GAD2: variants seen among roughly 807,000 people sequenced by gnomAD.
GAD2 encodes the protein glutamate decarboxylase 2, also known as 65 kDa glutamic acid decarboxylase.
A neutral mutation model predicts 80.1 loss-of-function variants in GAD2; 22 were observed. That is an observed-to-expected ratio of 0.27 (90% confidence interval 0.20 to 0.39). The LOEUF (loss-of-function observed/expected upper bound fraction) is 0.39. Among genes scored for constraint, GAD2 ranks in the 10% least tolerant of loss-of-function variants. The pLI, the probability that GAD2 is intolerant of heterozygous loss-of-function variation, is 1.00. For missense variants in GAD2, 624 were observed against 738.4 expected (o/e 0.85, Z 1.80); for synonymous variants, 274 against 256.9 (o/e 1.07, Z -0.64).
At chr10:26,255,923 A>C (rs536986874) in intron 8 of GAD2, among the ~76,000 whole-genome samples, 85 of 149,750 alleles carry the variant, frequency 5.7e-4, no homozygotes, top group African/African-American at 2.1e-3. Flanking sequence ...GATGGGGAGG[A>C]AGGAGGGGAG....
rs1834336036 is a variant in GAD2 at position 26,302,253 on chromosome 10, A to C, written c.*1292A>C. 1 of 152,068 alleles carries C rather than the reference A, an allele frequency of 6.6e-6. No individual in the cohort carries two copies. The highest frequency in any genetic ancestry group is 2.4e-5 in the African/African-American group (1 of 41,394). 9.4% of individuals were successfully genotyped at this position (152,068 alleles called of 1,614,324 possible). On this transcript the variant is annotated 3_prime_UTR_variant, in exon 16 of 16. Coordinates refer to ENST00000376261, the MANE Select transcript of GAD2 (RefSeq NM_001134366.2). ...ACCCAAAATAGTTACTTTATATTCC[A>C]TGGGTGGTTGTTTTTCTTCCATGAA...
rs1188328730 is a variant in GAD2, at chr10:26,301,417, T to C, written c.*456T>C. The C allele has an allele frequency of 1.3e-5, 2 of 152,336 alleles. No individual in the cohort carries two copies. The highest frequency in any genetic ancestry group is 2.9e-5 in the Non-Finnish European group (2 of 68,202). The allele number at this position is 152,336 out of a possible 1,614,324, so 9.4% of individuals were successfully genotyped here. ...ATTAGAAAAAAATTTCTAATTTACC[T>C]ATAGCAACATTTCAAATGTATTTAA... On this transcript the variant is annotated 3_prime_UTR_variant, in exon 16 of 16. Coordinates refer to ENST00000376261, the MANE Select transcript of GAD2 (RefSeq NM_001134366.2).
At chr10:26,295,579 A>C (rs1834265769) in intron 15 of GAD2, among the ~76,000 whole-genome samples, 1 of 150,886 alleles carries the variant, frequency 6.6e-6, no homozygotes. Flanking sequence ...GAGGTGAAAT[A>C]ATCTATGCTG....
Position 26,273,625 on chromosome 10 carries a change from T to A in GAD2, c.1093-11T>A, listed in dbSNP as rs750030821. 4 of 1,607,826 alleles carry A rather than the reference T, an allele frequency of 2.5e-6. No individual in the cohort carries two copies. The East Asian group carries it at 8.9e-5, about 36-fold the overall frequency. On this transcript the variant is annotated splice_polypyrimidine_tract_variant and intron_variant, in intron 10 of 15. Transcript: ENST00000376261. ...AACTGCTACCATTTTCCTCATATGA[T>A]TTTTTTTCAGGCAGCTTGGGGTGGG... is the stretch of plus-strand genomic sequence containing the variant.
At position 26,269,017 on chromosome 10, in the gene GAD2, T is replaced by C. The variant is rs8190707; in HGVS notation, c.921-102T>C. On this transcript the variant is annotated intron_variant, in intron 8 of 15. Transcript: ENST00000376261. ...GAGTTGTTTTCTCCGAGTATTGTTATCAACAGTTTGGGGTTGGACTTTACC... is the reference window on the plus strand; with the variant it reads ...GAGTTGTTTTCTCCGAGTATTGTTACCAACAGTTTGGGGTTGGACTTTACC... 65 of 738,862 alleles carry C rather than the reference T, an allele frequency of 8.8e-5. No individual in the cohort carries two copies. The East Asian group carries it at 1.6e-3, about 18-fold the overall frequency. The allele number at this position is 738,862 out of a possible 1,614,324, so 45.8% of individuals were successfully genotyped here.
At chr10:26,242,164 T>G (rs1844751339) in intron 7 of GAD2, among the ~76,000 whole-genome samples, 1 of 152,130 alleles carries the variant, frequency 6.6e-6, no homozygotes, top group African/African-American at 2.4e-5. Flanking sequence ...TTTTTTGTAT[T>G]TTTAGTAGAG....
chr10:26,241,785 G>A (rs907542382), intron 7 of GAD2, among the ~76,000 whole-genome samples: 4 of 152,032 alleles, frequency 2.6e-5, no homozygotes, highest in Non-Finnish European at 5.9e-5. Flanking sequence ...GGGGAAGAGG[G>A]CCTTTTGGCC....
chr10:26,271,326 T>G (rs1845134742), intron 10 of GAD2, among the ~76,000 whole-genome samples: 1 of 152,204 alleles, frequency 6.6e-6, no homozygotes, highest in Non-Finnish European at 1.5e-5. Flanking sequence ...ACTTCAGGCC[T>G]TGTCACACTA....
At chr10:26,291,398 C>A (rs1834212521) in intron 13 of GAD2, among the ~76,000 whole-genome samples, 2 of 152,150 alleles carry the variant, frequency 1.3e-5, no homozygotes, top group South Asian at 4.1e-4. Context: ...CATCAGCCTC[C>A]TTGAGCCGAT....
chr10:26,301,038 G>C lies in GAD2; in HGVS notation c.*77G>C. ...CACAAACTGTGTGAATGTATTTGTA[G>C]TTTGTTCCAAAGTAAATCTATTTCT... is the stretch of plus-strand genomic sequence containing the variant. On this transcript the variant is annotated 3_prime_UTR_variant, in exon 16 of 16. Transcript: ENST00000376261. The C allele has an allele frequency of 7.9e-7, 1 of 1,265,020 alleles. No individual in the cohort carries two copies. Among genetic ancestry groups the C allele is most frequent in the Non-Finnish European group, 1.1e-6 (1 of 881,736 alleles). 78.4% of individuals were successfully genotyped at this position (1,265,020 alleles called of 1,614,324 possible).
At chr10:26,299,090 TCATTTTTA>T (rs1301793156) in intron 15 of GAD2, among the ~76,000 whole-genome samples, 1 of 152,162 alleles carries the variant, frequency 6.6e-6, no homozygotes, top group Admixed American at 6.5e-5. Flanking sequence ...TCATCCACGT[TCATTTTTA>T]GAGAAGGAAA....
At chr10:26,228,069 G>A (rs1816213012) in intron 6 of GAD2, among the ~76,000 whole-genome samples, 1 of 152,226 alleles carries the variant, frequency 6.6e-6, no homozygotes, top group Admixed American at 6.5e-5. Flanking sequence ...CAGCCACCAG[G>A]AAGGAGAGTA....
At chr10:26,275,145 A>AAG (rs1416018296) in intron 11 of GAD2, among the ~76,000 whole-genome samples, 3 of 152,294 alleles carry the variant, frequency 2.0e-5, no homozygotes, top group East Asian at 3.9e-4. Context: ...GAGACAATAA[A>AAG]AGAGAGAGAG....
chr10:26,265,934 C>T (rs1845067913), intron 8 of GAD2, among the ~76,000 whole-genome samples: 1 of 152,232 alleles, frequency 6.6e-6, no homozygotes, highest in Non-Finnish European at 1.5e-5. Flanking sequence ...TCCTTCTGCT[C>T]ACTGCCCTGC....
At chr10:26,228,279 ACT>A (rs2132274811) in intron 6 of GAD2, among the ~76,000 whole-genome samples, 1 of 152,226 alleles carries the variant, frequency 6.6e-6, no homozygotes, top group Admixed American at 6.5e-5. Flanking sequence ...GTCAAGTGAG[ACT>A]CTACTTACAA....
chr10:26,287,488 T>C (rs1845347097), intron 13 of GAD2, among the ~76,000 whole-genome samples: 1 of 152,178 alleles, frequency 6.6e-6, no homozygotes, highest in Non-Finnish European at 1.5e-5. Context: ...GCAAAAGTTT[T>C]TAAAGGAAGA....
At chr10:26,269,001 T>C in intron 8 of GAD2, 118 bp from the exon 9 acceptor site, 1 of 637,858 alleles carries the variant, frequency 1.6e-6, no homozygotes. Flanking sequence ...GGAGTTGTTT[T>C]CTCCGAGTAT....
In GAD2 at chr10:26,224,532, A is replaced by C. The variant is rs1472278576; in HGVS notation, c.612-7A>C. The C allele has an allele frequency of 1.3e-6, 2 of 1,570,500 alleles. No individual in the cohort carries two copies. Among genetic ancestry groups the C allele is most frequent in the Non-Finnish European group, 1.8e-6 (2 of 1,140,250 alleles). On this transcript the variant is annotated splice_polypyrimidine_tract_variant and splice_region_variant and intron_variant, in intron 5 of 15. Coordinates refer to ENST00000376261, the MANE Select transcript of GAD2 (RefSeq NM_001134366.2). ...AGAGGTAAAATGTGGCCATTACTAC[A>C]TTTCAGGTTCACCTATGAAATTGCT...
chr10:26,304,109 A>G lies in GAD2; in HGVS notation c.*3148A>G, dbSNP rs2132328455. The G allele has an allele frequency of 6.6e-6, 1 of 152,464 alleles. No homozygotes were observed. Among genetic ancestry groups the G allele is most frequent in the Non-Finnish European group, 1.5e-5 (1 of 68,026 alleles). The allele number at this position is 152,464 out of a possible 1,614,324, so 9.4% of individuals were successfully genotyped here. A position where few individuals can be genotyped will look rare whatever the true frequency, so the allele number is the denominator to read the frequency against. On this transcript the variant is annotated 3_prime_UTR_variant, in exon 16 of 16. Transcript: ENST00000376261. ...GTGCGACTTCACAAAATGCAAGGTG[A>G]ACACCACTTTGTCTCTGAGAACAGA...
Sources: allele counts gnomAD v4.1 joint callset (sites outside exome capture counted in the v4.1 genomes callset), GRCh38; gene constraint gnomAD v4.1.1; transcripts MANE v1.5; gene names NCBI Gene and HGNC (gene_info 2026-07-23, HGNC 2026-07-21).